Variants in ZEB1 observed in about 807,000 individuals in gnomAD.
ZEB1 encodes zinc finger E-box-binding homeobox 1.
Under a neutral mutation model 84.9 loss-of-function variants are expected in ZEB1, and 21 were observed. That is an observed-to-expected ratio of 0.25 (90% CI 0.18 to 0.36). The LOEUF (loss-of-function observed/expected upper bound fraction) is 0.36. Ranked by LOEUF, ZEB1 falls within the 10% of genes least tolerant of loss-of-function variation. The probability of loss-of-function intolerance (pLI) is 1.00; values close to 1 mark genes in which losing one functional copy is unlikely to be tolerated. For missense variants in ZEB1, 1,104 were observed against 1,330.2 expected, an observed-to-expected ratio of 0.83 and a Z score of 2.65; for synonymous variants, 420 against 471.1, an observed-to-expected ratio of 0.89 and a Z score of 1.41.
At position 31,526,658 on chromosome 10, in the gene ZEB1, T is replaced by C. The variant is rs771209477; in HGVS notation, c.2786-14T>C. 1.9e-6 allele frequency: 3 copies of C among 1,612,932 alleles called. No homozygotes were observed. The South Asian group carries it at 3.3e-5, about 18-fold the overall frequency. On this transcript the variant is annotated splice_polypyrimidine_tract_variant and intron_variant, in intron 8 of 8. Transcript: ENST00000424869. ...AATACCACCATTTTATTTAACAGAATTCTTATTTTGCAGGTAAAAGACCTC... is the reference window on the plus strand; with the variant it reads ...AATACCACCATTTTATTTAACAGAACTCTTATTTTGCAGGTAAAAGACCTC...
chr10:31,469,310 C>G (rs1004339971), intron 2 of ZEB1, among the ~76,000 whole-genome samples: 2 of 152,202 alleles, frequency 1.3e-5, no homozygotes, highest in African/African-American at 4.8e-5. Flanking sequence ...CCGGGTTCAT[C>G]TCACTAGGGA....
intron 1 of ZEB1, among the ~76,000 whole-genome samples, chr10:31,377,109 T>G (rs2046776882): frequency 7.0e-6 from 1 of 142,902 alleles, no homozygotes. Flanking sequence ...TTTTTTGCAA[T>G]ACAGAATTTT....
At chr10:31,343,462 T>A (rs942867441) in intron 1 of ZEB1, among the ~76,000 whole-genome samples, 5 of 152,134 alleles carry the variant, frequency 3.3e-5, no homozygotes, top group Non-Finnish European at 7.4e-5. Flanking sequence ...TTATTTATCA[T>A]ACACATTTAT....
intron 2 of ZEB1, among the ~76,000 whole-genome samples, chr10:31,469,505 G>A (rs993675190): frequency 4.0e-5 from 6 of 151,582 alleles, no homozygotes; most frequent in African/African-American, 7.3e-5. Flanking sequence ...CTTTTCTGAC[G>A]GGCTTAAAAA....
At chr10:31,469,635 G>A (rs1413277357) in intron 2 of ZEB1, among the ~76,000 whole-genome samples, 2 of 152,222 alleles carry the variant, frequency 1.3e-5, no homozygotes, top group African/African-American at 2.4e-5. Flanking sequence ...GAGGCTGGGG[G>A]AGGGGCGCCC....
rs765194113 is a variant in ZEB1 at position 31,527,194 on chromosome 10, C to CA, written c.3310dup (p.Ser1104LysfsTer11). The CA allele has an allele frequency of 5.6e-6, 9 of 1,611,622 alleles. No homozygotes were observed. The highest frequency in any genetic ancestry group is 2.2e-5 in the South Asian group (2 of 90,790). ...AAGGATGACAGGGCTGAAAGTCAAG[C>CA]AAGCAGCTTAGGACAAAAAGTAGGC... On this transcript the variant is annotated frameshift_variant, in exon 9 of 9. Coordinates refer to ENST00000424869, the MANE Select transcript of ZEB1 (RefSeq NM_001174096.2). LOFTEE classifies it high-confidence loss of function.
At chr10:31,341,891 G>A (rs529474486) in intron 1 of ZEB1, among the ~76,000 whole-genome samples, 6 of 152,306 alleles carry the variant, frequency 3.9e-5, no homozygotes, top group African/African-American at 9.6e-5. Context: ...CCTTAAATTG[G>A]TGGGGGAGAT....
At chr10:31,450,786 A>G (rs1208365787) in intron 1 of ZEB1, among the ~76,000 whole-genome samples, 1 of 152,154 alleles carries the variant, frequency 6.6e-6, no homozygotes, top group Admixed American at 6.5e-5. Context: ...AAAAGCACAT[A>G]TATTTTCTAA....
intron 1 of ZEB1, among the ~76,000 whole-genome samples, chr10:31,405,882 C>T (rs1331407957): frequency 1.3e-5 from 2 of 152,022 alleles, no homozygotes; most frequent in Non-Finnish European, 2.9e-5. Flanking sequence ...GTGTGATGTT[C>T]CCTCCCTGTG....
At chr10:31,477,960 T>A (rs749677924) in intron 2 of ZEB1, among the ~76,000 whole-genome samples, 2 of 151,980 alleles carry the variant, frequency 1.3e-5, no homozygotes, top group South Asian at 4.1e-4. Context: ...AGGCAAAGAA[T>A]TTATGACTAA....
At chr10:31,522,980 A>G (rs1360996644) in intron 7 of ZEB1, among the ~76,000 whole-genome samples, 12 of 152,240 alleles carry the variant, frequency 7.9e-5, no homozygotes, top group Non-Finnish European at 7.3e-5. Flanking sequence ...TTAGCATTTC[A>G]TAGACTCACG....
chr10:31,360,666 A>G lies in ZEB1; in HGVS notation c.58+41374A>G, dbSNP rs75057595. 8.5e-3 allele frequency among the ~76,000 whole-genome samples: 1,300 copies of G among 152,360 alleles called. 7 individuals are homozygous for G. Among genetic ancestry groups the G allele is most frequent in the Non-Finnish European group, 0.014 (949 of 68,020 alleles). ...TGAAAATATAAATTTAGATGCAAGA[A>G]ATATATTTTAAATAAACATGGAAAA... On this transcript the variant is annotated intron_variant, in intron 1 of 8. Coordinates refer to ENST00000424869, the MANE Select transcript of ZEB1 (RefSeq NM_001174096.2).
chr10:31,475,096 A>T (rs1443633891), intron 2 of ZEB1, among the ~76,000 whole-genome samples: 1 of 152,058 alleles, frequency 6.6e-6, no homozygotes, highest in East Asian at 1.9e-4. Context: ...GCATTGGGAG[A>T]TATACCTAAT....
intron 2 of ZEB1, among the ~76,000 whole-genome samples, chr10:31,490,485 T>G (rs2066377667): frequency 6.6e-6 from 1 of 151,786 alleles, no homozygotes; most frequent in South Asian, 2.1e-4. Flanking sequence ...CATCCAGTGA[T>G]TTTTAAACTT....
intron 4 of ZEB1, among the ~76,000 whole-genome samples, chr10:31,509,056 A>G (rs916807146): frequency 6.6e-6 from 1 of 152,102 alleles, no homozygotes; most frequent in African/African-American, 2.4e-5. Context: ...AATGGCTTGC[A>G]CTTCAGCCTT....
intron 1 of ZEB1, chr10:31,320,580 A>G (rs1174202999): frequency 6.6e-6 from 1 of 152,024 alleles, no homozygotes; most frequent in Non-Finnish European, 1.5e-5. Flanking sequence ...GTGCCAAGGG[A>G]AACACACACC....
chr10:31,435,872 A>G (rs991886224), intron 1 of ZEB1, among the ~76,000 whole-genome samples: 2 of 152,196 alleles, frequency 1.3e-5, no homozygotes, highest in African/African-American at 4.8e-5. Context: ...GGGACCAATG[A>G]CATGGTATTG....
chr10:31,468,058 G>C (rs1479369890), intron 2 of ZEB1, among the ~76,000 whole-genome samples: 1 of 152,098 alleles, frequency 6.6e-6, no homozygotes, highest in African/African-American at 2.4e-5. Context: ...CCCTGAACCA[G>C]CTCTTGTGGC....
intron 1 of ZEB1, among the ~76,000 whole-genome samples, chr10:31,353,636 T>G (rs575360504): frequency 3.2e-4 from 49 of 152,336 alleles, no homozygotes; most frequent in Admixed American, 2.7e-3. Context: ...GAAAGAAGTC[T>G]AAAGAGATAA....
Sources: allele counts gnomAD v4.1 joint callset (sites outside exome capture counted in the v4.1 genomes callset), GRCh38; gene constraint gnomAD v4.1.1; transcripts MANE v1.5; gene names NCBI Gene and HGNC (gene_info 2026-07-23, HGNC 2026-07-21).